MSH3: variants seen among roughly 807,000 people sequenced by gnomAD.
MSH3 encodes mutS homolog 3.
MSH3 carries 106 observed loss-of-function variants against 123.3 expected under a neutral mutation model. The ratio of observed to expected loss-of-function variants is 0.86; its 90% confidence interval spans 0.73 to 1.01. The LOEUF is 1.01. Ranked by LOEUF, MSH3 falls within the 50% of genes least tolerant of loss-of-function variation. MSH3 has a pLI of 0.00. For synonymous variants in MSH3, 515 were observed against 481.4 expected (o/e 1.07, Z -0.91); for missense variants, 1,459 against 1,347.6 (o/e 1.08, Z -1.29).
In MSH3 at chr5:80,875,735, T is replaced by G. The variant is rs767324024; in HGVS notation, c.3303-16T>G. 6.8e-6 allele frequency: 10 copies of G among 1,471,974 alleles called. No individual in the cohort carries two copies. Among genetic ancestry groups the G allele is most frequent in the African/African-American group, 2.8e-5 (2 of 72,144 alleles). The allele number at this position is 1,471,974 out of a possible 1,614,324, so 91.2% of individuals were successfully genotyped here. A position where few individuals can be genotyped will look rare whatever the true frequency, so the allele number is the denominator to read the frequency against. ...AATTTCATTTATTAAATAAGTAGTA[T>G]TTGATTTTTCCCCAGAAAGAGACTC... is the stretch of plus-strand genomic sequence containing the variant. On this transcript the variant is annotated splice_polypyrimidine_tract_variant and intron_variant, in intron 23 of 23. Coordinates refer to ENST00000265081, the MANE Select transcript of MSH3 (RefSeq NM_002439.5).
Position 80,859,278 on chromosome 5 carries a change from G to A in MSH3, c.3000+4962G>A, listed in dbSNP as rs552107700. 2.0e-4 allele frequency among the ~76,000 whole-genome samples: 30 copies of A among 152,018 alleles called. No homozygotes were observed. The East Asian group carries it at 3.7e-3, about 19-fold the overall frequency. Reference sequence around the variant, plus strand: ...TGGGATTACAAGTGTGTGCCACCACGCCTGGCTAATTTTTGTATTCTTTTT... The same window carrying A: ...TGGGATTACAAGTGTGTGCCACCACACCTGGCTAATTTTTGTATTCTTTTT... On this transcript the variant is annotated intron_variant, in intron 21 of 23. Transcript: ENST00000265081.
intron 20 of MSH3, among the ~76,000 whole-genome samples, chr5:80,850,153 G>A (rs910414142): frequency 1.2e-4 from 18 of 152,142 alleles, no homozygotes; most frequent in African/African-American, 3.6e-4. Flanking sequence ...TTTCCAACAA[G>A]TTCCTCATTT....
intron 8 of MSH3, among the ~76,000 whole-genome samples, chr5:80,679,774 G>T (rs1301225409): frequency 6.6e-6 from 1 of 152,192 alleles, no homozygotes; most frequent in Non-Finnish European, 1.5e-5. Context: ...GGACTTAAAG[G>T]CATGATGTAT....
chr5:80,807,822 G>A lies in MSH3; in HGVS notation c.2656-5762G>A, dbSNP rs928648409. 3.3e-5 allele frequency among the ~76,000 whole-genome samples: 5 copies of A among 152,130 alleles called. No homozygotes were observed. The East Asian group carries it at 5.8e-4, about 18-fold the overall frequency. ...CACTAACAGATACCCACCTCAGACC[G>A]GGGCTATTACACCAATGAACCTAAC... On this transcript the variant is annotated intron_variant, in intron 19 of 23. Coordinates refer to ENST00000265081, the MANE Select transcript of MSH3 (RefSeq NM_002439.5).
intron 20 of MSH3, among the ~76,000 whole-genome samples, chr5:80,841,864 A>G (rs1011831023): frequency 6.6e-6 from 1 of 151,990 alleles, no homozygotes; most frequent in Non-Finnish European, 1.5e-5. Flanking sequence ...TTGCCTGTTC[A>G]CTCTGATGAC....
In MSH3 at chr5:80,654,793, G is replaced by A. The variant is rs1580537815; in HGVS notation, c.66G>A (p.Ala22=). ...AASSSAPARQ[A]VLSRFFQSTG... The stretch of plus-strand genomic sequence containing the variant: ...CCAGCTCAGCCCCTGCGAGGCAAGC[G>A]GTTTTGAGCCGATTCTTCCAGTCTA... The change falls in exon 1 of 24, where the codon GCG becomes GCA. Residue 22 remains alanine (A), a synonymous_variant. Transcript: ENST00000265081. 6.2e-7 allele frequency: 1 copy of A among 1,607,170 alleles called. No individual in the cohort carries two copies. The highest frequency in any genetic ancestry group is 8.5e-7 in the Non-Finnish European group (1 of 1,177,362).
chr5:80,871,925 T>C (rs559633408), intron 22 of MSH3, among the ~76,000 whole-genome samples: 2 of 152,132 alleles, frequency 1.3e-5, no homozygotes, highest in South Asian at 4.1e-4. Context: ...AAGCGGGATG[T>C]GGTCTTGGGT....
Position 80,692,448 on chromosome 5 carries a change from T to TTATA in MSH3, c.1340+13357_1340+13358insTATA, listed in dbSNP as rs1481766946. Among the ~76,000 whole-genome samples, 125 of 36,930 alleles carry TTATA rather than the reference T, an allele frequency of 3.4e-3. 5 individuals carry two copies. The highest frequency in any genetic ancestry group is 0.022 in the East Asian group (17 of 772). The allele number at this position is 36,930 out of a possible 152,430, so 24.2% of individuals were successfully genotyped here. On this transcript the variant is annotated intron_variant, in intron 8 of 23. Transcript: ENST00000265081. ...TTTAGATAGATAAACATGTATATGT[T>TTATA]TAGATAGATAAACATGTATATGTTT...
intron 10 of MSH3, among the ~76,000 whole-genome samples, chr5:80,739,185 G>A (rs1486302214): frequency 2.0e-5 from 3 of 152,320 alleles, no homozygotes; most frequent in South Asian, 2.1e-4. Flanking sequence ...AAACCTAATT[G>A]TCAGAACAGC....
chr5:80,688,200 G>A (rs897397644), intron 8 of MSH3, among the ~76,000 whole-genome samples: 3 of 152,216 alleles, frequency 2.0e-5, no homozygotes, highest in African/African-American at 7.2e-5. Context: ...TTAGCTATCT[G>A]ACCTTTGAAA....
chr5:80,814,327 A>C, intron 20 of MSH3, among the ~76,000 whole-genome samples: 1 of 152,168 alleles, frequency 6.6e-6, no homozygotes, highest in East Asian at 1.9e-4. Flanking sequence ...GCCAGAGTGC[A>C]ATGGCACTAT....
chr5:80,836,055 CAT>C (rs142246273), intron 20 of MSH3, among the ~76,000 whole-genome samples: 2 of 152,152 alleles, frequency 1.3e-5, no homozygotes, highest in East Asian at 3.9e-4. Flanking sequence ...AAGATTCTGT[CAT>C]ATTTCTTAGA....
intron 12 of MSH3, among the ~76,000 whole-genome samples, chr5:80,753,654 A>G (rs1743875307): frequency 1.3e-5 from 2 of 152,166 alleles, no homozygotes; most frequent in African/African-American, 4.8e-5. Context: ...AAAAAGTCTA[A>G]TGGCTCTAAT....
At chr5:80,693,636 CACACACACACACAA>C (rs1339063998) in intron 8 of MSH3, among the ~76,000 whole-genome samples, 1 of 151,124 alleles carries the variant, frequency 6.6e-6, no homozygotes, top group Non-Finnish European at 1.5e-5. Flanking sequence ...CACACACACA[CACACACACACACAA>C]ACACATATAT....
At chr5:80,680,573 GTTTT>G (rs547135113) in intron 8 of MSH3, among the ~76,000 whole-genome samples, 1 of 143,994 alleles carries the variant, frequency 6.9e-6, no homozygotes, top group Non-Finnish European at 1.5e-5. Flanking sequence ...CTATTCTGTG[GTTTT>G]TTTTTTTTTA....
chr5:80,786,110 T>C (rs1357894117), intron 17 of MSH3, among the ~76,000 whole-genome samples: 2 of 152,044 alleles, frequency 1.3e-5, no homozygotes, highest in African/African-American at 2.4e-5. Context: ...ACCTGCACAT[T>C]GTGCACATGT....
chr5:80,761,628 C>T lies in MSH3; in HGVS notation c.1846C>T (p.Arg616Cys), dbSNP rs372874549. 31 of 1,613,854 alleles carry T rather than the reference C, an allele frequency of 1.9e-5. No individual in the cohort carries two copies. The highest frequency in any genetic ancestry group is 1.7e-4 in the African/African-American group (13 of 74,878). The change falls in exon 13 of 24, where the codon CGT (arginine) becomes TGT (cysteine). Residue 616 changes from arginine to cysteine, a missense_variant. Coordinates refer to ENST00000265081, the MANE Select transcript of MSH3 (RefSeq NM_002439.5). ...SVFGQIENHL[R>C]KLPDIERGLC... is the part of the protein sequence containing the mutation. ...GTTTGGTCAGATAGAAAATCATCTA[C>T]GTAAATTGCCCGACATAGAGAGGGG...
At chr5:80,753,334 T>C (rs570241974) in intron 12 of MSH3, among the ~76,000 whole-genome samples, 2 of 152,266 alleles carry the variant, frequency 1.3e-5, no homozygotes, top group South Asian at 4.2e-4. Context: ...TCATTTCTTT[T>C]CCTGAATCTG....
In MSH3 at chr5:80,739,664, C is replaced by A. The variant is rs6151741; in HGVS notation, c.1569-1800C>A. On this transcript the variant is annotated intron_variant, in intron 10 of 23. Coordinates refer to ENST00000265081, the MANE Select transcript of MSH3 (RefSeq NM_002439.5). ...CTTTCAGTTTTGGAGTTGCTTCCCG[C>A]TGAAAATCATTAACAGATTATCGTT... is the stretch of plus-strand genomic sequence containing the variant. Among the ~76,000 whole-genome samples the A allele has an allele frequency of 8.0e-3, 1,221 of 152,302 alleles. 17 individuals carry two copies. The highest frequency in any genetic ancestry group is 0.028 in the African/African-American group (1,179 of 41,548).
Sources: gnomAD v4.1 joint callset for allele counts (sites outside exome capture counted in the v4.1 genomes callset) on GRCh38, gnomAD v4.1.1 for gene constraint, MANE v1.5 for transcripts, NCBI Gene and HGNC (gene_info 2026-07-23, HGNC 2026-07-21) for gene names.